The following CCDC191 variants were observed in gnomAD, a reference collection of about 807,000 sequenced individuals.
CCDC191 encodes coiled-coil domain-containing protein 191.
CCDC191 carries 99 observed loss-of-function variants against 114.0 expected under a neutral mutation model. That is an observed-to-expected ratio of 0.87 (90% CI 0.74 to 1.03). CCDC191 has a LOEUF of 1.03. Among genes scored for constraint, CCDC191 ranks in the 50% least tolerant of loss-of-function variants. The pLI, the probability that CCDC191 is intolerant of heterozygous loss-of-function variation, is 0.00. For synonymous variants in CCDC191, 351 were observed against 376.0 expected (o/e 0.93, Z 0.77); for missense variants, 973 against 1,087.0 (o/e 0.90, Z 1.47).
chr3:114,011,203 T>A (rs576962008), intron 8 of CCDC191, among the ~76,000 whole-genome samples, 182 bp from the exon 9 acceptor site: 1 of 152,214 alleles, frequency 6.6e-6, no homozygotes, highest in African/African-American at 2.4e-5. Flanking sequence ...GATCTCCTCA[T>A]AGAAGGTGTC....
At chr3:113,971,944 A>G (rs1032123161) in intron 16 of CCDC191, among the ~76,000 whole-genome samples, 35 of 152,076 alleles carry the variant, frequency 2.3e-4, no homozygotes, top group Admixed American at 1.3e-3. Flanking sequence ...CATTTCTTCT[A>G]TGTTTTCCAG....
chr3:114,037,961 G>T (rs1477774920), intron 4 of CCDC191, among the ~76,000 whole-genome samples: 1 of 152,148 alleles, frequency 6.6e-6, no homozygotes, highest in African/African-American at 2.4e-5. Flanking sequence ...TTTTCTGTTG[G>T]GAAAATGTGT....
chr3:114,027,980 G>A (rs2076348524), intron 7 of CCDC191, among the ~76,000 whole-genome samples: 2 of 152,184 alleles, frequency 1.3e-5, no homozygotes, highest in South Asian at 4.1e-4. Flanking sequence ...CTTTACTGGA[G>A]GACTGTCCTA....
intron 11 of CCDC191, chr3:114,003,228 T>C (rs1017124942): frequency 4.1e-6 from 4 of 985,194 alleles, no homozygotes; most frequent in Admixed American, 6.2e-5. Context: ...CTATAATCAG[T>C]TGGGGCTTTC....
chr3:114,010,462 T>A (rs1021563265), intron 9 of CCDC191, among the ~76,000 whole-genome samples: 7 of 152,160 alleles, frequency 4.6e-5, no homozygotes, highest in Admixed American at 3.3e-4. Context: ...TGTCTGATGA[T>A]CAAAAAGGGG....
intron 9 of CCDC191, among the ~76,000 whole-genome samples, chr3:114,009,414 CT>C (rs199689990): frequency 1.6e-3 from 239 of 151,928 alleles, no homozygotes; most frequent in African/African-American, 5.3e-3. Flanking sequence ...ATTCCATAAG[CT>C]TTTTTTTCCT....
rs1050034943 is a variant in CCDC191, at chr3:114,006,436, G to A, written c.1414-474C>T. Among the ~76,000 whole-genome samples, 24 of 150,128 alleles carry A rather than the reference G, an allele frequency of 1.6e-4. No individual in the cohort carries two copies. In the East Asian group the frequency reaches 2.2e-3, roughly 14 times the overall value. On this transcript the variant is annotated intron_variant, in intron 9 of 16. Transcript: ENST00000295878. ...TGAACTCCAGCCTGGGCAACACAGC[G>A]AGACCCTGGCTCAAAAAAAAAGAAA...
At chr3:114,056,298 A>AGACGGGCCGCGACTGGCTTCCT in intron 1 of CCDC191, 79 bp downstream of exon 1, 1 of 1,384,634 alleles carries the variant, frequency 7.2e-7, no homozygotes, top group South Asian at 1.2e-5. Context: ...CAGGAAGCAC[A>AGACGGGCCGCGACTGGCTTCCT]GACGGGCCGC....
At chr3:114,037,461 T>C (rs969717609) in intron 4 of CCDC191, among the ~76,000 whole-genome samples, 4 of 152,240 alleles carry the variant, frequency 2.6e-5, no homozygotes, top group Non-Finnish European at 2.9e-5. Context: ...TTGAGATTCA[T>C]TCATGTTGTG....
intron 9 of CCDC191, among the ~76,000 whole-genome samples, chr3:114,008,340 A>C (rs77091222): frequency 2.0e-5 from 3 of 151,974 alleles, no homozygotes; most frequent in Non-Finnish European, 4.4e-5. Context: ...AATGTTACAC[A>C]TAAGTCCCAA....
chr3:113,970,836 C>A (rs150626555), intron 16 of CCDC191, among the ~76,000 whole-genome samples: 16 of 151,846 alleles, frequency 1.1e-4, no homozygotes, highest in African/African-American at 3.4e-4. Flanking sequence ...TTTGTCCTTG[C>A]GATAGTTTGC....
At chr3:114,031,444 A>G (rs1222964527) in intron 7 of CCDC191, among the ~76,000 whole-genome samples, 182 bp downstream of exon 7, 1 of 152,204 alleles carries the variant, frequency 6.6e-6, no homozygotes, top group Non-Finnish European at 1.5e-5. Flanking sequence ...GCCTCAGAAC[A>G]GGGGATTTGT....
In CCDC191 at chr3:114,014,057, A is replaced by C. The variant is rs190114720; in HGVS notation, c.1164-3036T>G. ...AGGACAAGACTACTAGATATCTGCA[A>C]AGTGTCTTGAACGTTTTAAAAGCAA... On this transcript the variant is annotated intron_variant, in intron 8 of 16. Coordinates refer to ENST00000295878, the MANE Select transcript of CCDC191 (RefSeq NM_020817.2). Among the ~76,000 whole-genome samples the C allele has an allele frequency of 2.0e-3, 310 of 152,318 alleles. 1 individual carries two copies. Among genetic ancestry groups the C allele is most frequent in the Non-Finnish European group, 3.7e-3 (252 of 68,022 alleles).
At chr3:114,038,718 T>C (rs1277825505) in intron 4 of CCDC191, among the ~76,000 whole-genome samples, 1 of 152,208 alleles carries the variant, frequency 6.6e-6, no homozygotes, top group African/African-American at 2.4e-5. Context: ...AGGAATGAGA[T>C]CATGTCCTTT....
chr3:114,029,879 C>A lies in CCDC191; in HGVS notation c.972+1747G>T, dbSNP rs78040204. ...AGAAATGGCAAGGTCATAAAAGACA[C>A]GGAAAGACTAAAGAAATGTCACACA... On this transcript the variant is annotated intron_variant, in intron 7 of 16. Coordinates refer to ENST00000295878, the MANE Select transcript of CCDC191 (RefSeq NM_020817.2). Among the ~76,000 whole-genome samples the A allele has an allele frequency of 6.4e-4, 97 of 152,036 alleles. 3 individuals carry two copies. The East Asian group carries it at 0.016, about 25-fold the overall frequency.
intron 9 of CCDC191, among the ~76,000 whole-genome samples, 170 bp downstream of exon 9, chr3:114,010,602 T>C (rs1162533758): frequency 6.6e-6 from 1 of 152,192 alleles, no homozygotes; most frequent in Non-Finnish European, 1.5e-5. Flanking sequence ...TATATGATTA[T>C]AAAAAGAAGA....
intron 11 of CCDC191, 120 bp downstream of exon 11, chr3:114,004,517 G>T: frequency 6.8e-7 from 1 of 1,468,792 alleles, no homozygotes; most frequent in Admixed American, 2.3e-5. Flanking sequence ...TGAGATTTTT[G>T]ATGTCAGGTT....
At position 114,031,628 on chromosome 3, in the gene CCDC191, GT is replaced by G; in HGVS notation, c.969del (p.Gln323HisfsTer14). 1 of 1,608,346 alleles carries G rather than the reference GT, an allele frequency of 6.2e-7. No homozygotes were observed. Among genetic ancestry groups the G allele is most frequent in the Non-Finnish European group, 8.5e-7 (1 of 1,175,204 alleles). Reference protein sequence around the residue: ...EVLIQTFKENQQCQKRYFAAW... With the variant: ...EVLIQTFKENXQCQKRYFAAW... ...TAAAGAGACATTGCAATTCCCACCT[GT>G]TGATTTTCTTTGAAAGTTTGGATTA... is the stretch of plus-strand genomic sequence containing the variant. On this transcript the variant is annotated frameshift_variant, in exon 7 of 17. Transcript: ENST00000295878. LOFTEE classifies it high-confidence loss of function.
At chr3:113,973,076 C>CT (rs1174145937) in intron 16 of CCDC191, among the ~76,000 whole-genome samples, 4 of 152,128 alleles carry the variant, frequency 2.6e-5, no homozygotes, top group African/African-American at 9.7e-5. Context: ...TAAGGACTTA[C>CT]TATGGCAATT....
Sources: allele counts gnomAD v4.1 joint callset (sites outside exome capture counted in the v4.1 genomes callset), GRCh38; gene constraint gnomAD v4.1.1; transcripts MANE v1.5; gene names NCBI Gene and HGNC (gene_info 2026-07-23, HGNC 2026-07-21).